Variants in SGIP1 observed in about 807,000 individuals in gnomAD.
SGIP1 encodes SH3-containing GRB2-like protein 3-interacting protein 1.
Under a neutral mutation model 107.5 loss-of-function variants are expected in SGIP1, and 38 were observed. The observed-to-expected ratio is 0.35, with a 90% CI of 0.27 to 0.46. SGIP1 has a LOEUF of 0.46. Ranked by LOEUF, SGIP1 falls within the 20% of genes least tolerant of loss-of-function variation. The pLI, the probability that SGIP1 is intolerant of heterozygous loss-of-function variation, is 1.00. For synonymous variants in SGIP1, 365 were observed against 366.1 expected (o/e 1.00, Z 0.03); for missense variants, 929 against 1,019.5 (o/e 0.91, Z 1.21).
rs2086845471 is a variant in SGIP1 at position 66,682,079 on chromosome 1, A to G, written c.1025A>G (p.Asn342Ser). ...GTGTCCCCACCAGCTACACCAGACAACCCAGCTGACTCCCCAGCTCCAGGC... is the reference window on the plus strand; with the variant it reads ...GTGTCCCCACCAGCTACACCAGACAGCCCAGCTGACTCCCCAGCTCCAGGC... ...KVVSPPATPD[N>S]PADSPAPGPL... Residue 342 changes from asparagine to serine, a missense_variant, in exon 15 of 25, where the codon AAC (asparagine) becomes AGC (serine). Around this residue, in one of 2 missense-constraint regions of SGIP1, gnomAD observed 588 missense variants for 588.6 expected, o/e 1.00. Transcript: ENST00000371037. 6.2e-7 allele frequency: 1 copy of G among 1,613,954 alleles called. No homozygotes were observed. The highest frequency in any genetic ancestry group is 1.1e-5 in the South Asian group (1 of 91,072).
chr1:66,550,914 T>C (rs2057305694), intron 1 of SGIP1, among the ~76,000 whole-genome samples: 1 of 152,158 alleles, frequency 6.6e-6, no homozygotes, highest in South Asian at 2.1e-4. Flanking sequence ...CACTAAGAAA[T>C]GGTGTCTCTT....
chr1:66,582,946 T>C (rs2062026114), intron 1 of SGIP1, among the ~76,000 whole-genome samples: 1 of 152,006 alleles, frequency 6.6e-6, no homozygotes, highest in Non-Finnish European at 1.5e-5. Flanking sequence ...CATATGTTGC[T>C]TTTAAAGCAA....
intron 1 of SGIP1, among the ~76,000 whole-genome samples, chr1:66,574,848 C>A (rs2060847495): frequency 6.6e-6 from 1 of 152,186 alleles, no homozygotes; most frequent in South Asian, 2.1e-4. Flanking sequence ...TGTCAGATTG[C>A]CAGCTGCGCT....
intron 8 of SGIP1, among the ~76,000 whole-genome samples, chr1:66,663,939 C>T (rs956203402): frequency 6.6e-6 from 1 of 152,152 alleles, no homozygotes; most frequent in African/African-American, 2.4e-5. Context: ...TTTGCACCTA[C>T]TTTAATAATA....
At chr1:66,722,598 G>A (rs987259346) in intron 19 of SGIP1, among the ~76,000 whole-genome samples, 3 of 152,146 alleles carry the variant, frequency 2.0e-5, no homozygotes, top group African/African-American at 2.4e-5. Context: ...ATATATTGGC[G>A]ATAAAGACAG....
At chr1:66,669,816 G>A (rs56004227) in intron 9 of SGIP1, among the ~76,000 whole-genome samples, 3 of 152,142 alleles carry the variant, frequency 2.0e-5, no homozygotes, top group African/African-American at 4.8e-5. Context: ...AACTGCTCCC[G>A]TAGCATAAAT....
rs1056503565 is a variant in SGIP1, at chr1:66,534,246, C to A, written c.-113C>A. The A allele has an allele frequency of 1.9e-5, 21 of 1,130,114 alleles. No homozygotes were observed. The highest frequency in any genetic ancestry group is 1.6e-4 in the Admixed American group (9 of 57,602). The allele number at this position is 1,130,114 out of a possible 1,614,324, so 70.0% of individuals were successfully genotyped here. A position where few individuals can be genotyped will look rare whatever the true frequency, so the allele number is the denominator to read the frequency against. On this transcript the variant is annotated 5_prime_UTR_variant, in exon 1 of 25. Transcript: ENST00000371037. ...CACTTATCTCCTTTGGCTTTGACAG[C>A]GGACGGAATAGACCTCAGCAGCGGC...
chr1:66,561,791 G>A (rs2058986424), intron 1 of SGIP1, among the ~76,000 whole-genome samples: 2 of 151,978 alleles, frequency 1.3e-5, no homozygotes, highest in South Asian at 4.1e-4. Context: ...GATAGCAGAG[G>A]CCTTTTATTC....
rs115817034 is a variant in SGIP1, at chr1:66,551,734, G to T, written c.10+17366G>T. ...TTAGGTGTTGCCTTTTTACTTGCAG[G>T]TTGTGTTTCTTGTTATCATCATAAA... is the stretch of plus-strand genomic sequence containing the variant. On this transcript the variant is annotated intron_variant, in intron 1 of 24. Coordinates refer to ENST00000371037, the MANE Select transcript of SGIP1 (RefSeq NM_032291.4). Among the ~76,000 whole-genome samples, 271 of 152,174 alleles carry T rather than the reference G, an allele frequency of 1.8e-3. 1 individual carries two copies. Among genetic ancestry groups the T allele is most frequent in the African/African-American group, 6.4e-3 (265 of 41,530 alleles).
At chr1:66,565,726 A>G (rs2059548173) in intron 1 of SGIP1, among the ~76,000 whole-genome samples, 1 of 152,050 alleles carries the variant, frequency 6.6e-6, no homozygotes, top group African/African-American at 2.4e-5. Context: ...TCTAAGTTAA[A>G]TAAATCATTT....
At chr1:66,576,583 C>T (rs1407621637) in intron 1 of SGIP1, among the ~76,000 whole-genome samples, 3 of 152,196 alleles carry the variant, frequency 2.0e-5, no homozygotes, top group Admixed American at 2.0e-4. Context: ...TTACCTCAAC[C>T]TTTAATATTA....
At chr1:66,664,660 CCTAT>C (rs1245223039) in intron 8 of SGIP1, among the ~76,000 whole-genome samples, 6 of 152,164 alleles carry the variant, frequency 3.9e-5, no homozygotes, top group Admixed American at 6.5e-5. Flanking sequence ...GTTTTTGCTT[CCTAT>C]CTATGTTCTA....
intron 1 of SGIP1, among the ~76,000 whole-genome samples, chr1:66,576,812 T>G (rs565779631): frequency 6.6e-6 from 1 of 152,188 alleles, no homozygotes; most frequent in Non-Finnish European, 1.5e-5. Context: ...TAGCCATGTG[T>G]CATCTGAAGT....
rs186470141 is a variant in SGIP1, at chr1:66,559,737, A to T, written c.10+25369A>T. 1.3e-3 allele frequency among the ~76,000 whole-genome samples: 197 copies of T among 152,170 alleles called. 1 individual carries two copies. Among genetic ancestry groups the T allele is most frequent in the Admixed American group, 0.011 (174 of 15,268 alleles). ...TGGTGTCTCTGTTTAGAACCCAGAC[A>T]CATTTCCCAGAAGCCCCAAGCAAAC... On this transcript the variant is annotated intron_variant, in intron 1 of 24. Transcript: ENST00000371037.
At chr1:66,637,243 C>T (rs1250546533) in intron 4 of SGIP1, among the ~76,000 whole-genome samples, 1 of 152,094 alleles carries the variant, frequency 6.6e-6, no homozygotes, top group Non-Finnish European at 1.5e-5. Flanking sequence ...GACTCATTAT[C>T]TTCACTATTA....
intron 18 of SGIP1, among the ~76,000 whole-genome samples, chr1:66,708,810 T>C (rs2092706056): frequency 6.6e-6 from 1 of 152,122 alleles, no homozygotes; most frequent in South Asian, 2.1e-4. Context: ...GACATACATA[T>C]ATAACCAGGG....
In SGIP1 at chr1:66,613,905, C is replaced by T. The variant is rs577916459; in HGVS notation, c.11-11942C>T. On this transcript the variant is annotated intron_variant, in intron 1 of 24. Transcript: ENST00000371037. ...GCACATGATAGATGCTCAACAGGTT[C>T]CTTTTCTACTGACCACTGATTGAGA... Among the ~76,000 whole-genome samples the T allele has an allele frequency of 9.8e-4, 149 of 152,252 alleles. 3 individuals carry two copies. In the South Asian group the frequency reaches 0.028, roughly 29 times the overall value.
intron 18 of SGIP1, among the ~76,000 whole-genome samples, chr1:66,698,594 G>T (rs1013494483): frequency 2.0e-5 from 3 of 151,972 alleles, no homozygotes; most frequent in African/African-American, 7.2e-5. Context: ...TAGCCAGGAT[G>T]GTCTCGATCT....
At position 66,734,480 on chromosome 1, in the gene SGIP1, C is replaced by A. The variant is rs2094144271; in HGVS notation, c.2031+600C>A. Among the ~76,000 whole-genome samples the A allele has an allele frequency of 2.6e-5, 4 of 151,680 alleles. No individual in the cohort carries two copies. In the South Asian group the frequency reaches 8.3e-4, roughly 32 times the overall value. On this transcript the variant is annotated intron_variant, in intron 21 of 24. Coordinates refer to ENST00000371037, the MANE Select transcript of SGIP1 (RefSeq NM_032291.4). ...GCCTGAGTCTCTCATTGGTTCCCAG[C>A]CACTTGACTGCCTAGATTTTTTTGG...
Sources: allele counts gnomAD v4.1 joint callset (sites outside exome capture counted in the v4.1 genomes callset), GRCh38; gene constraint gnomAD v4.1.1; regional missense constraint gnomAD v4.1.1; transcripts MANE v1.5; gene names NCBI Gene and HGNC (gene_info 2026-07-23, HGNC 2026-07-21).